PDE3A: variants seen among roughly 807,000 people sequenced by gnomAD.
PDE3A encodes the protein phosphodiesterase 3A, also known as cGMP-inhibited 3',5'-cyclic phosphodiesterase 3A.
A neutral mutation model predicts 98.3 loss-of-function variants in PDE3A; 43 were observed. The ratio of observed to expected loss-of-function variants is 0.44; its 90% CI spans 0.34 to 0.56. The LOEUF (loss-of-function observed/expected upper bound fraction) is 0.56, where lower values mean the gene tolerates loss of function less well. Among genes scored for constraint, PDE3A ranks in the 20% least tolerant of loss-of-function variants. The probability of loss-of-function intolerance (pLI) is 0.01; values close to 1 mark genes in which losing one functional copy is unlikely to be tolerated. For missense variants in PDE3A, 1,427 were observed against 1,440.7 expected, an observed-to-expected ratio of 0.99 and a Z score of 0.15; for synonymous variants, 663 against 567.9, an observed-to-expected ratio of 1.17 and a Z score of -2.38.
chr12:20,500,427 A>G (rs560798209), intron 1 of PDE3A, among the ~76,000 whole-genome samples: 1 of 152,292 alleles, frequency 6.6e-6, no homozygotes, highest in Non-Finnish European at 1.5e-5. Flanking sequence ...GAAAAAGATG[A>G]TTATCTTTAT....
chr12:20,500,062 A>T (rs1395646393), intron 1 of PDE3A, among the ~76,000 whole-genome samples: 1 of 152,212 alleles, frequency 6.6e-6, no homozygotes, highest in Non-Finnish European at 1.5e-5. Flanking sequence ...AAGAAGCAAG[A>T]GTCTCTGCCA....
chr12:20,623,481 G>C (rs1944182944), intron 5 of PDE3A, among the ~76,000 whole-genome samples: 1 of 152,060 alleles, frequency 6.6e-6, no homozygotes, highest in South Asian at 2.1e-4. Flanking sequence ...TCAGAACACA[G>C]CAGAATATTT....
intron 1 of PDE3A, among the ~76,000 whole-genome samples, chr12:20,536,376 G>T (rs1051675657): frequency 1.3e-5 from 2 of 151,718 alleles, no homozygotes; most frequent in Admixed American, 6.6e-5. Flanking sequence ...AGGTATTATT[G>T]AAATATGATT....
chr12:20,674,441 G>C (rs1200031586), intron 15 of PDE3A, among the ~76,000 whole-genome samples: 2 of 152,006 alleles, frequency 1.3e-5, no homozygotes, highest in African/African-American at 4.8e-5. Context: ...TATTATGTGT[G>C]GTGTTTATTA....
At chr12:20,603,918 C>T (rs1943653026) in intron 2 of PDE3A, among the ~76,000 whole-genome samples, 1 of 152,108 alleles carries the variant, frequency 6.6e-6, no homozygotes, top group African/African-American at 2.4e-5. Flanking sequence ...CGCCTGTAAT[C>T]ACAGCACTTT....
intron 1 of PDE3A, among the ~76,000 whole-genome samples, chr12:20,543,263 T>TG (rs201221460): frequency 2.6e-3 from 400 of 151,770 alleles, no homozygotes; most frequent in Admixed American, 6.0e-3. Context: ...TTTGTTTGTT[T>TG]TTTTTTTAAA....
intron 3 of PDE3A, among the ~76,000 whole-genome samples, chr12:20,614,195 G>C (rs1434737234): frequency 6.6e-6 from 1 of 151,986 alleles, no homozygotes; most frequent in Non-Finnish European, 1.5e-5. Context: ...GTCAATTATA[G>C]ATTATTTAAA....
chr12:20,450,334 G>A (rs1196753404), intron 1 of PDE3A, among the ~76,000 whole-genome samples: 1 of 152,176 alleles, frequency 6.6e-6, no homozygotes, highest in African/African-American at 2.4e-5. Context: ...TCACAGATGT[G>A]AATTAGCCCT....
chr12:20,652,031 T>A (rs1181102587), intron 14 of PDE3A, among the ~76,000 whole-genome samples: 1 of 152,046 alleles, frequency 6.6e-6, no homozygotes, highest in East Asian at 1.9e-4. Context: ...TGGTTTTTTG[T>A]CCTTGCGATA....
intron 14 of PDE3A, among the ~76,000 whole-genome samples, chr12:20,651,952 T>C (rs1258599742): frequency 6.7e-6 from 1 of 149,728 alleles, no homozygotes; most frequent in Non-Finnish European, 1.5e-5. Flanking sequence ...CAGTGTGTGA[T>C]GTTCCCCTTC....
At chr12:20,527,392 G>A (rs1227003037) in intron 1 of PDE3A, among the ~76,000 whole-genome samples, 1 of 152,054 alleles carries the variant, frequency 6.6e-6, no homozygotes, top group Non-Finnish European at 1.5e-5. Flanking sequence ...CCTAATAGTT[G>A]CCCCTTTTCC....
intron 2 of PDE3A, among the ~76,000 whole-genome samples, chr12:20,566,050 G>C (rs1377618539): frequency 6.6e-6 from 1 of 151,850 alleles, no homozygotes; most frequent in Non-Finnish European, 1.5e-5. Context: ...GTAAACATCA[G>C]TAAACCCAAA....
chr12:20,527,219 T>TTTTG (rs1283157122), intron 1 of PDE3A, among the ~76,000 whole-genome samples: 1 of 151,952 alleles, frequency 6.6e-6, no homozygotes. Context: ...TTTGTTTTGT[T>TTTTG]TTTGTTTGTT....
At chr12:20,668,973 A>G (rs1945395840) in intron 15 of PDE3A, among the ~76,000 whole-genome samples, 1 of 149,746 alleles carries the variant, frequency 6.7e-6, no homozygotes, top group Admixed American at 6.6e-5. Flanking sequence ...AGAATGTATA[A>G]CTAGAATAAC....
chr12:20,641,118 A>G (rs968112675), intron 10 of PDE3A, among the ~76,000 whole-genome samples: 2 of 152,154 alleles, frequency 1.3e-5, no homozygotes, highest in Non-Finnish European at 2.9e-5. Flanking sequence ...TCAAAATCCC[A>G]TCCACCTGCT....
At chr12:20,617,061 T>C (rs1390522784) in intron 4 of PDE3A, among the ~76,000 whole-genome samples, 1 of 152,218 alleles carries the variant, frequency 6.6e-6, no homozygotes, top group Non-Finnish European at 1.5e-5. Context: ...CTTATCTTAC[T>C]TTATTCAAAT....
At chr12:20,429,827 T>C (rs1056525098) in intron 1 of PDE3A, among the ~76,000 whole-genome samples, 1 of 151,942 alleles carries the variant, frequency 6.6e-6, no homozygotes, top group African/African-American at 2.4e-5. Context: ...TACAGAAACA[T>C]CAAATCCATG....
At chr12:20,579,496 T>G (rs1203836175) in intron 2 of PDE3A, among the ~76,000 whole-genome samples, 1 of 152,210 alleles carries the variant, frequency 6.6e-6, no homozygotes, top group African/African-American at 2.4e-5. Flanking sequence ...TAAATGATAC[T>G]TACATCCTGT....
intron 2 of PDE3A, among the ~76,000 whole-genome samples, chr12:20,601,173 T>A (rs1453786840): frequency 6.6e-6 from 1 of 152,178 alleles, no homozygotes; most frequent in Non-Finnish European, 1.5e-5. Flanking sequence ...GATCTATGTA[T>A]ATATGTAAGA....
Sources: gnomAD v4.1 joint callset for allele counts (sites outside exome capture counted in the v4.1 genomes callset) on GRCh38, gnomAD v4.1.1 for gene constraint, MANE v1.5 for transcripts, NCBI Gene and HGNC (gene_info 2026-07-23, HGNC 2026-07-21) for gene names.